CDH4: variants seen among roughly 807,000 people sequenced by gnomAD.
CDH4 encodes cadherin 4.
In CDH4, 33 loss-of-function variants were observed where a neutral mutation model predicts 86.0. The observed-to-expected ratio is 0.38, with a 90% CI of 0.29 to 0.51. CDH4 has a LOEUF of 0.51. CDH4 is among the 20% of genes least tolerant of loss of function. The pLI is 0.86. For missense variants in CDH4, 1,114 were observed against 1,307.4 expected, an observed-to-expected ratio of 0.85 and a Z score of 2.28; for synonymous variants, 555 against 549.4, an observed-to-expected ratio of 1.01 and a Z score of -0.14.
intron 4 of CDH4, among the ~76,000 whole-genome samples, chr20:61,793,130 T>C (rs948943526): frequency 2.0e-5 from 3 of 151,944 alleles, no homozygotes; most frequent in Non-Finnish European, 4.4e-5. Flanking sequence ...GCCCAACTAA[T>C]TTTTTGTATT....
chr20:61,526,895 A>G (rs948958793), intron 2 of CDH4, among the ~76,000 whole-genome samples: 1 of 152,246 alleles, frequency 6.6e-6, no homozygotes, highest in Non-Finnish European at 1.5e-5. Context: ...TAACAAATGT[A>G]ACGTTCTAAT....
At chr20:61,649,685 A>G (rs978845785) in intron 2 of CDH4, among the ~76,000 whole-genome samples, 1 of 152,064 alleles carries the variant, frequency 6.6e-6, no homozygotes, top group Admixed American at 6.6e-5. Flanking sequence ...GGAAGATTGG[A>G]TATTTGGAAA....
rs16985617 is a variant in CDH4 at position 61,815,783 on chromosome 20, A to T, written c.577-28885A>T. On this transcript the variant is annotated intron_variant, in intron 4 of 15. Coordinates refer to ENST00000614565, the MANE Select transcript of CDH4 (RefSeq NM_001794.5). Reference sequence around the variant, plus strand: ...TGATTTTAAATCTTTGAAACTGTTAATCCTAGATTATCAAATGCAAAATAT... The same window carrying T: ...TGATTTTAAATCTTTGAAACTGTTATTCCTAGATTATCAAATGCAAAATAT... Among the ~76,000 whole-genome samples the T allele has an allele frequency of 4.9e-3, 741 of 152,302 alleles. 14 individuals carry two copies. Among genetic ancestry groups the T allele is most frequent in the Admixed American group, 0.04 (616 of 15,304 alleles).
intron 2 of CDH4, among the ~76,000 whole-genome samples, chr20:61,264,233 T>C (rs1289864455): frequency 1.3e-5 from 2 of 152,150 alleles, no homozygotes; most frequent in Non-Finnish European, 2.9e-5. Context: ...CGTCCCACAC[T>C]GTGCGGTGAC....
At chr20:61,309,128 C>T (rs1056491678) in intron 2 of CDH4, among the ~76,000 whole-genome samples, 1 of 152,262 alleles carries the variant, frequency 6.6e-6, no homozygotes, top group Admixed American at 6.5e-5. Flanking sequence ...CGCTTCTGAG[C>T]GCGAGGCTGG....
At chr20:61,803,309 A>G (rs923379870) in intron 4 of CDH4, among the ~76,000 whole-genome samples, 1 of 152,214 alleles carries the variant, frequency 6.6e-6, no homozygotes, top group Non-Finnish European at 1.5e-5. Context: ...AAGTGCGGCC[A>G]GAGAGGCTGT....
intron 2 of CDH4, among the ~76,000 whole-genome samples, chr20:61,530,990 T>G (rs1324456403): frequency 6.6e-6 from 1 of 152,128 alleles, no homozygotes; most frequent in Non-Finnish European, 1.5e-5. Context: ...GGCCCCCAGA[T>G]GGGTGGGCCA....
At chr20:61,779,628 C>T (rs1978432086) in intron 4 of CDH4, among the ~76,000 whole-genome samples, 1 of 152,254 alleles carries the variant, frequency 6.6e-6, no homozygotes, top group South Asian at 2.1e-4. Context: ...ACATACACCC[C>T]ATTGCTTCAC....
intron 2 of CDH4, among the ~76,000 whole-genome samples, chr20:61,423,941 A>C (rs912930278): frequency 6.7e-6 from 1 of 148,388 alleles, no homozygotes; most frequent in Non-Finnish European, 1.5e-5. Flanking sequence ...ATGCTCCTGT[A>C]CACAGGCACA....
chr20:61,843,456 CAAAAAAAAAA>C (rs869283452), intron 4 of CDH4, among the ~76,000 whole-genome samples: 1 of 58,848 alleles, frequency 1.7e-5, no homozygotes, highest in African/African-American at 7.7e-5. Flanking sequence ...GACTCCGTCT[CAAAAAAAAAA>C]AAAAAAAAAA....
intron 2 of CDH4, among the ~76,000 whole-genome samples, chr20:61,482,224 G>A (rs4925249): frequency 0.23 from 34,669 of 152,174 alleles, 4,955 homozygotes; most frequent in Admixed American, 0.35. Flanking sequence ...AGTTATCAGA[G>A]CTCTGGCCAC....
chr20:61,580,963 C>A (rs952861334), intron 2 of CDH4, among the ~76,000 whole-genome samples: 1 of 152,204 alleles, frequency 6.6e-6, no homozygotes, highest in Non-Finnish European at 1.5e-5. Context: ...TAAAGAGAGT[C>A]CGTCCTGAAG....
chr20:61,252,853 A>AGC lies in CDH4; in HGVS notation c.57+283_57+284insGC, dbSNP rs1568768204. ...ACCGGACCCGCCGAGCCTCCCTCGA[A>AGC]CGCCCAAAGCCCGTAGCCGCTACCC... is the stretch of plus-strand genomic sequence containing the variant. On this transcript the variant is annotated intron_variant, in intron 1 of 15. Coordinates refer to ENST00000614565, the MANE Select transcript of CDH4 (RefSeq NM_001794.5). The surrounding 1 kb of genome is among the most constrained non-coding windows in gnomAD (Gnocchi z 4.4). 1.3e-5 allele frequency among the ~76,000 whole-genome samples: 2 copies of AGC among 151,720 alleles called. No individual in the cohort carries two copies. The highest frequency in any genetic ancestry group is 4.8e-5 in the African/African-American group (2 of 41,356).
At chr20:61,319,598 C>A (rs1431324392) in intron 2 of CDH4, among the ~76,000 whole-genome samples, 1 of 151,894 alleles carries the variant, frequency 6.6e-6, no homozygotes, top group Non-Finnish European at 1.5e-5. Context: ...GGGGCTGGGG[C>A]AGGGGAAATG....
chr20:61,933,215 T>C (rs2055136033), intron 14 of CDH4, 91 bp downstream of exon 14: 1 of 1,489,426 alleles, frequency 6.7e-7, no homozygotes, highest in East Asian at 2.3e-5. Flanking sequence ...GGTTTAACAG[T>C]AAGACATTTC....
intron 4 of CDH4, among the ~76,000 whole-genome samples, chr20:61,821,988 G>A (rs1055184469): frequency 2.6e-5 from 4 of 152,238 alleles, no homozygotes; most frequent in East Asian, 1.9e-4. Flanking sequence ...TGGGGAGAAC[G>A]TTCCACCCAG....
Position 61,703,686 on chromosome 20 carries a change from C to T in CDH4, c.170-39877C>T, listed in dbSNP as rs749018282. Reference sequence around the variant, plus strand: ...GGCCATACAAGAGCTGTCCATGTCTCATCTGGGCCCTGGTGATGAGGTGGC... The same window carrying T: ...GGCCATACAAGAGCTGTCCATGTCTTATCTGGGCCCTGGTGATGAGGTGGC... On this transcript the variant is annotated intron_variant, in intron 2 of 15. Coordinates refer to ENST00000614565, the MANE Select transcript of CDH4 (RefSeq NM_001794.5). This position sits in a 1 kb window ranked among gnomAD's most constrained non-coding sequence, Gnocchi z 4.3. Among the ~76,000 whole-genome samples the T allele has an allele frequency of 3.9e-5, 6 of 152,186 alleles. No homozygotes were observed. Among genetic ancestry groups the T allele is most frequent in the Non-Finnish European group, 7.3e-5 (5 of 68,034 alleles).
chr20:61,379,730 C>T (rs973823902), intron 2 of CDH4, among the ~76,000 whole-genome samples: 2 of 152,198 alleles, frequency 1.3e-5, no homozygotes, highest in Non-Finnish European at 2.9e-5. Flanking sequence ...CCAGGACATT[C>T]TTTCCTGTTC....
intron 2 of CDH4, among the ~76,000 whole-genome samples, chr20:61,605,789 T>A (rs1161316545): frequency 6.6e-6 from 1 of 151,718 alleles, no homozygotes; most frequent in Non-Finnish European, 1.5e-5. Flanking sequence ...AGAATTCAGG[T>A]TTTGCACATG....
Sources: allele counts gnomAD v4.1 joint callset (sites outside exome capture counted in the v4.1 genomes callset), GRCh38; gene constraint gnomAD v4.1.1; non-coding constraint Gnocchi (gnomAD v3.1); transcripts MANE v1.5; gene names NCBI Gene and HGNC (gene_info 2026-07-23, HGNC 2026-07-21).